Variants in XRN1 observed in about 807,000 individuals in gnomAD.
XRN1 encodes strand-exchange protein 1 homolog.
Under a neutral mutation model 222.3 loss-of-function variants are expected in XRN1, and 67 were observed. The observed-to-expected ratio is 0.30, with a 90% CI of 0.25 to 0.37. XRN1 has a LOEUF of 0.37. Ranked by LOEUF, XRN1 falls within the 10% of genes least tolerant of loss-of-function variation. The pLI, the probability that XRN1 is intolerant of heterozygous loss-of-function variation, is 1.00. For missense variants in XRN1, 1,707 were observed against 2,000.2 expected, an observed-to-expected ratio of 0.85 and a Z score of 2.80; for synonymous variants, 643 against 652.4, an observed-to-expected ratio of 0.99 and a Z score of 0.22.
At position 142,332,358 on chromosome 3, in the gene XRN1, G is replaced by C. The variant is rs761365697; in HGVS notation, c.4222+17C>G. On this transcript the variant is annotated intron_variant, in intron 36 of 40. Coordinates refer to ENST00000392981, the MANE Select transcript of XRN1 (RefSeq NM_001282857.2). ...TTTTAAAATGATATTATTGGTAATA[G>C]TATTTAGTTTACTTACCTAATTTCT... is the stretch of plus-strand genomic sequence containing the variant. The C allele has an allele frequency of 6.6e-7, 1 of 1,521,530 alleles. No homozygotes were observed. Among genetic ancestry groups the C allele is most frequent in the South Asian group, 1.2e-5 (1 of 85,384 alleles). The allele number at this position is 1,521,530 out of a possible 1,614,324, so 94.3% of individuals were successfully genotyped here.
chr3:142,373,816 T>C (rs540381126), intron 25 of XRN1, among the ~76,000 whole-genome samples: 59 of 151,572 alleles, frequency 3.9e-4, no homozygotes, highest in African/African-American at 1.0e-3. Flanking sequence ...CCATCTCTAC[T>C]AAAAAAAATA....
At chr3:142,332,924 T>A (rs369297622) in intron 35 of XRN1, 43 bp downstream of exon 35, 1 of 1,606,960 alleles carries the variant, frequency 6.2e-7, no homozygotes, top group Non-Finnish European at 8.5e-7. Flanking sequence ...TGGTCAACAG[T>A]CGAGAAATTA....
chr3:142,410,910 A>T (rs1006628210), intron 15 of XRN1, among the ~76,000 whole-genome samples: 1 of 152,168 alleles, frequency 6.6e-6, no homozygotes, highest in Non-Finnish European at 1.5e-5. Context: ...TAGTCTAATA[A>T]AATGTTGGGA....
chr3:142,317,680 C>T (rs1164733763), intron 39 of XRN1, among the ~76,000 whole-genome samples: 2 of 152,128 alleles, frequency 1.3e-5, no homozygotes, highest in Non-Finnish European at 2.9e-5. Context: ...CACCACTTTG[C>T]ACATAGACTT....
chr3:142,342,670 C>G (rs2066029850), intron 33 of XRN1, among the ~76,000 whole-genome samples: 1 of 152,138 alleles, frequency 6.6e-6, no homozygotes, highest in South Asian at 2.1e-4. Flanking sequence ...GCACCAAGAA[C>G]ATACATTGGG....
chr3:142,355,253 T>TTA (rs1553725018), intron 32 of XRN1, 148 bp downstream of exon 32: 1 of 407,058 alleles, frequency 2.5e-6, no homozygotes, highest in Non-Finnish European at 4.2e-6. Flanking sequence ...TGAAATTATT[T>TTA]AAAAAAAGAA....
chr3:142,379,897 G>A (rs1360186515), intron 23 of XRN1, among the ~76,000 whole-genome samples, 185 bp downstream of exon 23: 1 of 152,100 alleles, frequency 6.6e-6, no homozygotes, highest in East Asian at 1.9e-4. Context: ...CCCCCACAAA[G>A]ATCTACATGA....
chr3:142,439,647 C>T (rs1022955206), intron 1 of XRN1, among the ~76,000 whole-genome samples: 7 of 152,194 alleles, frequency 4.6e-5, no homozygotes, highest in Admixed American at 2.6e-4. Flanking sequence ...TTCAAAAGTC[C>T]GCCTTAGGCC....
chr3:142,418,988 T>C, intron 10 of XRN1, 107 bp from the exon 11 acceptor site: 3 of 1,016,938 alleles, frequency 3.0e-6, no homozygotes, highest in Non-Finnish European at 4.6e-6. Flanking sequence ...TTCCATGTTA[T>C]AACATCCTTC....
chr3:142,390,754 GC>G (rs1481089439), intron 20 of XRN1, among the ~76,000 whole-genome samples: 1 of 152,190 alleles, frequency 6.6e-6, no homozygotes, highest in Admixed American at 6.5e-5. Flanking sequence ...AAGAAGCCTA[GC>G]TTTTGGCCTG....
At chr3:142,371,883 G>A (rs942841789) in intron 25 of XRN1, among the ~76,000 whole-genome samples, 8 of 152,130 alleles carry the variant, frequency 5.3e-5, no homozygotes, top group African/African-American at 1.9e-4. Flanking sequence ...GTATCTGGTG[G>A]CATATATAAC....
At chr3:142,417,024 A>G in intron 13 of XRN1, 116 bp downstream of exon 13, 1 of 760,186 alleles carries the variant, frequency 1.3e-6, no homozygotes, top group Non-Finnish European at 2.0e-6. Flanking sequence ...GTGAAAAAAA[A>G]AAAAAAAAAA....
At chr3:142,323,222 C>CAGATTCCACACTGCA (rs908320979) in intron 37 of XRN1, among the ~76,000 whole-genome samples, 3 of 151,634 alleles carry the variant, frequency 2.0e-5, no homozygotes, top group African/African-American at 7.3e-5. Flanking sequence ...GATAAGGTTT[C>CAGATTCCACACTGCA]AGATTCCACA....
At chr3:142,406,187 C>A (rs532823309) in intron 15 of XRN1, among the ~76,000 whole-genome samples, 9 of 152,138 alleles carry the variant, frequency 5.9e-5, no homozygotes, top group Non-Finnish European at 1.0e-4. Flanking sequence ...ATAGAAAGCC[C>A]AGAAATAAAT....
At chr3:142,438,264 G>A (rs1315944128) in intron 1 of XRN1, among the ~76,000 whole-genome samples, 1 of 152,020 alleles carries the variant, frequency 6.6e-6, no homozygotes, top group Non-Finnish European at 1.5e-5. Context: ...ATAGGCAGAG[G>A]TCCGTGGGGA....
intron 39 of XRN1, among the ~76,000 whole-genome samples, chr3:142,316,665 T>G (rs1434584075): frequency 6.6e-6 from 1 of 152,204 alleles, no homozygotes; most frequent in African/African-American, 2.4e-5. Flanking sequence ...ATCCTGGGAT[T>G]TCCATTCATT....
At chr3:142,373,676 TG>T (rs1262299921) in intron 25 of XRN1, among the ~76,000 whole-genome samples, 2 of 152,118 alleles carry the variant, frequency 1.3e-5, no homozygotes, top group African/African-American at 2.4e-5. Context: ...GAAAGGAGAA[TG>T]GAACAGTGGT....
chr3:142,356,101 A>G (rs2066459562), intron 31 of XRN1, among the ~76,000 whole-genome samples: 1 of 152,236 alleles, frequency 6.6e-6, no homozygotes, highest in African/African-American at 2.4e-5. Flanking sequence ...TACTGAATCA[A>G]TATCCCACCA....
At chr3:142,376,743 C>CT (rs2067155383) in intron 23 of XRN1, 149 bp from the exon 24 acceptor site, 140 of 628,432 alleles carry the variant, frequency 2.2e-4, no homozygotes, top group Middle Eastern at 4.5e-4. Context: ...TCCATTTCCC[C>CT]TTTTTTTTGA....
Sources: allele counts gnomAD v4.1 joint callset (sites outside exome capture counted in the v4.1 genomes callset), GRCh38; gene constraint gnomAD v4.1.1; transcripts MANE v1.5; gene names NCBI Gene and HGNC (gene_info 2026-07-23, HGNC 2026-07-21).